The following SENP5 variants were observed in gnomAD, a reference collection of about 807,000 sequenced individuals.
SENP5 encodes the protein SUMO specific peptidase 5.
SENP5 carries 21 observed loss-of-function variants against 74.2 expected under a neutral mutation model. That is an observed-to-expected ratio of 0.28 (90% CI 0.20 to 0.41). The LOEUF (loss-of-function observed/expected upper bound fraction) is 0.41. SENP5 is among the 10% of genes least tolerant of loss of function. SENP5 has a pLI of 1.00. For synonymous variants in SENP5, 311 were observed against 312.7 expected (o/e 0.99, Z 0.06); for missense variants, 717 against 889.1 (o/e 0.81, Z 2.46).
In SENP5 at chr3:196,932,092, ATCT is replaced by A. The variant is rs1219155578; in HGVS notation, c.*1173_*1175del. On this transcript the variant is annotated 3_prime_UTR_variant, in exon 10 of 10. Coordinates refer to ENST00000323460, the MANE Select transcript of SENP5 (RefSeq NM_152699.5). ...TGTTCTTCTCCTTCTGTTGAACCTC[ATCT>A]TCTGAAGAAAGGCCAAGTGGCCCTT... 4.0e-6 allele frequency: 1 copy of A among 250,452 alleles called. No individual in the cohort carries two copies. Among genetic ancestry groups the A allele is most frequent in the Non-Finnish European group, 8.0e-6 (1 of 124,926 alleles). 15.5% of individuals were successfully genotyped at this position (250,452 alleles called of 1,614,324 possible).
intron 2 of SENP5, among the ~76,000 whole-genome samples, chr3:196,889,339 G>A (rs1383983874): frequency 6.6e-6 from 1 of 152,082 alleles, no homozygotes; most frequent in African/African-American, 2.4e-5. Flanking sequence ...CTTTATAGAT[G>A]TAACACTTTC....
chr3:196,899,732 G>A lies in SENP5; in HGVS notation c.1580G>A (p.Gly527Glu). 1 of 1,609,808 alleles carries A rather than the reference G, an allele frequency of 6.2e-7. No individual in the cohort carries two copies. The highest frequency in any genetic ancestry group is 8.5e-7 in the Non-Finnish European group (1 of 1,176,270). Residue 527 changes from glycine (G) to glutamate (E), a missense_variant, in exon 3 of 10, where the codon GGA becomes GAA. By Grantham distance (98) the Gly-to-Glu change is moderately conservative. Around this residue, in one of 4 missense-constraint regions of SENP5, gnomAD observed 64 missense variants for 100.8 expected, o/e 0.64. Transcript: ENST00000323460. ...LVPLSEKEVL[G>E]RLKDVFNEDF... ...CCACTCAGTGAAAAAGAAGTCCTTG[G>A]AAGATTAAAAGATGTCTTTAATGAA...
chr3:196,894,553 T>G (rs1471233141), intron 2 of SENP5, among the ~76,000 whole-genome samples: 1 of 152,074 alleles, frequency 6.6e-6, no homozygotes, highest in East Asian at 1.9e-4. Flanking sequence ...TTTTTAAATT[T>G]ATTCCCATGG....
intron 7 of SENP5, among the ~76,000 whole-genome samples, chr3:196,926,647 T>A (rs1263840747): frequency 6.7e-6 from 1 of 150,058 alleles, no homozygotes; most frequent in East Asian, 1.9e-4. Context: ...ACCTTTTTTT[T>A]TTTTTTTTTG....
In SENP5 at chr3:196,931,166, A is replaced by G; in HGVS notation, c.*243A>G. The G allele has an allele frequency of 4.4e-6, 2 of 453,146 alleles. No individual in the cohort carries two copies. The highest frequency in any genetic ancestry group is 4.0e-5 in the East Asian group (1 of 25,160). 28.1% of individuals were successfully genotyped at this position (453,146 alleles called of 1,614,324 possible). A position where few individuals can be genotyped will look rare whatever the true frequency, so the allele number is the denominator to read the frequency against. On this transcript the variant is annotated 3_prime_UTR_variant, in exon 10 of 10. Coordinates refer to ENST00000323460, the MANE Select transcript of SENP5 (RefSeq NM_152699.5). Reference sequence around the variant, plus strand: ...TGTGCGTCCCCCATATTTAATATTTATTATTCAAACGCATGCATATAGACA... The same window carrying G: ...TGTGCGTCCCCCATATTTAATATTTGTTATTCAAACGCATGCATATAGACA...
At chr3:196,930,774 A>G in intron 9 of SENP5, 39 bp from the exon 10 acceptor site, 1 of 1,239,174 alleles carries the variant, frequency 8.1e-7, no homozygotes, top group Non-Finnish European at 1.2e-6. Context: ...CACAACTCCA[A>G]GTGCCACTGA....
In SENP5 at chr3:196,903,640, A is replaced by G. The variant is rs1021972704; in HGVS notation, c.1884+30A>G. On this transcript the variant is annotated intron_variant, in intron 6 of 9. Transcript: ENST00000323460. Reference sequence around the variant, plus strand: ...TCTCTTTATTTCTTTTTTATTCCAAATTTGAAACGCAGATGATAAACCACT... The same window carrying G: ...TCTCTTTATTTCTTTTTTATTCCAAGTTTGAAACGCAGATGATAAACCACT... 2.1e-6 allele frequency: 3 copies of G among 1,426,118 alleles called. No homozygotes were observed. In the African/African-American group the frequency reaches 4.3e-5, roughly 20 times the overall value. The allele number at this position is 1,426,118 out of a possible 1,614,324, so 88.3% of individuals were successfully genotyped here.
chr3:196,899,962 C>A lies in SENP5; in HGVS notation c.1658C>A (p.Ala553Asp). The A allele has an allele frequency of 6.2e-7, 1 of 1,613,916 alleles. No homozygotes were observed. Among genetic ancestry groups the A allele is most frequent in the Non-Finnish European group, 8.5e-7 (1 of 1,179,962 alleles). The change falls in exon 4 of 10, where the codon GCC (alanine) becomes GAC (aspartate). Residue 553 changes from alanine to aspartate, a missense_variant. Transcript: ENST00000323460. ...AATAGGGAAATAACAAACTATCGGG[C>A]CAGACATCAAAAATGTAACTTCCGT... is the stretch of plus-strand genomic sequence containing the variant. ...FINREITNYR[A>D]RHQKCNFRIF...
At chr3:196,891,466 TAAAAAG>T (rs1018627812) in intron 2 of SENP5, among the ~76,000 whole-genome samples, 1 of 151,998 alleles carries the variant, frequency 6.6e-6, no homozygotes, top group African/African-American at 2.4e-5. Context: ...ATAAAGCTGT[TAAAAAG>T]AAACAAATAT....
chr3:196,886,555 G>C lies in SENP5; in HGVS notation c.1374G>C (p.Leu458=), dbSNP rs777730736. 1.2e-6 allele frequency: 2 copies of C among 1,613,880 alleles called. No homozygotes were observed. The highest frequency in any genetic ancestry group is 3.3e-5 in the Admixed American group (2 of 59,972). Residue 458 remains leucine, a synonymous_variant, in exon 2 of 10, where the codon CTG becomes CTC. Transcript: ENST00000323460. ...LKQSILSSEL[L]DHPYCKSPLE... ...AGAGCATTCTTAGTTCTGAGTTGCT[G>C]GACCACCCTTACTGTAAAAGTCCAC...
intron 1 of SENP5, among the ~76,000 whole-genome samples, chr3:196,874,397 T>G (rs943690756): frequency 2.0e-5 from 3 of 151,718 alleles, no homozygotes; most frequent in African/African-American, 7.3e-5. Flanking sequence ...CTAAAATTTC[T>G]CCTGCAAATG....
chr3:196,904,645 G>A (rs1402940901), intron 6 of SENP5, among the ~76,000 whole-genome samples: 2 of 151,852 alleles, frequency 1.3e-5, no homozygotes, highest in Non-Finnish European at 2.9e-5. Context: ...AAAATTAGCC[G>A]GGCTGTGATG....
At chr3:196,926,440 C>T (rs2108865989) in intron 7 of SENP5, among the ~76,000 whole-genome samples, 1 of 150,010 alleles carries the variant, frequency 6.7e-6, no homozygotes, top group South Asian at 2.1e-4. Flanking sequence ...CGAGATCGCA[C>T]CACTACACTC....
chr3:196,911,556 C>CA lies in SENP5; in HGVS notation c.1884+7962dup, dbSNP rs148985317. ...TGGGCGACAGAGTGAGACTTTGTCT[C>CA]AAAAAAAAAAAAAAAAGGACATTTA... On this transcript the variant is annotated intron_variant, in intron 6 of 9. Transcript: ENST00000323460. Among the ~76,000 whole-genome samples the CA allele has an allele frequency of 6.8e-3, 662 of 96,880 alleles. 6 individuals carry two copies. Among genetic ancestry groups the CA allele is most frequent in the Middle Eastern group, 0.031 (5 of 162 alleles). The allele number at this position is 96,880 out of a possible 152,430, so 63.6% of individuals were successfully genotyped here.
intron 2 of SENP5, among the ~76,000 whole-genome samples, chr3:196,890,575 G>A (rs1478564197): frequency 6.6e-6 from 1 of 152,184 alleles, no homozygotes; most frequent in Non-Finnish European, 1.5e-5. Flanking sequence ...ATGCTGATGC[G>A]CTCATGCAGG....
intron 1 of SENP5, among the ~76,000 whole-genome samples, chr3:196,883,538 G>T (rs1388569377): frequency 6.6e-6 from 1 of 152,118 alleles, no homozygotes; most frequent in Non-Finnish European, 1.5e-5. Flanking sequence ...TTCATCATCT[G>T]CCACGGTAGG....
Position 196,926,481 on chromosome 3 carries a change from C to CA in SENP5, c.2023-1299dup, listed in dbSNP as rs56334033. On this transcript the variant is annotated intron_variant, in intron 7 of 9. Transcript: ENST00000323460. Reference sequence around the variant, plus strand: ...TGGGTAACAGAGCAAGACTCCGTCTCAAAAAAAAAAAAAAAAGAATTTATA... The same window carrying CA: ...TGGGTAACAGAGCAAGACTCCGTCTCAAAAAAAAAAAAAAAAAGAATTTATA... Among the ~76,000 whole-genome samples the CA allele has an allele frequency of 1.3e-3, 166 of 125,350 alleles. 2 individuals are homozygous for CA. The East Asian group carries it at 0.018, about 14-fold the overall frequency. The allele number at this position is 125,350 out of a possible 152,430, so 82.2% of individuals were successfully genotyped here. A position where few individuals can be genotyped will look rare whatever the true frequency, so the allele number is the denominator to read the frequency against.
rs781136477 is a variant in SENP5 at position 196,929,694 on chromosome 3, A to G, written c.2157+11A>G. 2.6e-5 allele frequency: 41 copies of G among 1,600,906 alleles called. No individual in the cohort carries two copies. Among genetic ancestry groups the G allele is most frequent in the Non-Finnish European group, 3.5e-5 (41 of 1,169,468 alleles). ...GTCTTTGTGCTCCAGGTAAAGAAAC[A>G]CTTGCTTTTCGGAACTTACAATGTG... is the stretch of plus-strand genomic sequence containing the variant. On this transcript the variant is annotated intron_variant, in intron 9 of 9. Coordinates refer to ENST00000323460, the MANE Select transcript of SENP5 (RefSeq NM_152699.5).
At chr3:196,924,533 T>C (rs1418203716) in intron 7 of SENP5, among the ~76,000 whole-genome samples, 2 of 152,194 alleles carry the variant, frequency 1.3e-5, no homozygotes, top group Non-Finnish European at 2.9e-5. Context: ...ACTACATCAG[T>C]TAAATTTTTT....
Sources: gnomAD v4.1 joint callset for allele counts (sites outside exome capture counted in the v4.1 genomes callset) on GRCh38, gnomAD v4.1.1 for gene constraint, gnomAD v4.1.1 regional missense constraint, MANE v1.5 for transcripts, NCBI Gene and HGNC (gene_info 2026-07-23, HGNC 2026-07-21) for gene names.